Variants in FSIP1 observed in about 807,000 individuals in gnomAD.
FSIP1 encodes fibrous sheath interacting protein 1, also known as fibrous sheath-interacting protein 1.
FSIP1 carries 65 observed loss-of-function variants against 60.9 expected under a neutral mutation model. That is an observed-to-expected ratio of 1.07 (90% CI 0.87 to 1.31). The LOEUF is 1.31. Among genes scored for constraint, FSIP1 ranks in the 40% most tolerant of loss-of-function variants. FSIP1 has a pLI of 0.00. For missense variants in FSIP1, 675 were observed against 665.5 expected, an observed-to-expected ratio of 1.01 and a Z score of -0.16; for synonymous variants, 209 against 221.2, an observed-to-expected ratio of 0.94 and a Z score of 0.49.
chr15:39,617,926 T>C lies in FSIP1; in HGVS notation c.1508A>G (p.Asn503Ser). The change falls in exon 11 of 12, where the codon AAT (asparagine) becomes AGT (serine). Residue 503 changes from asparagine to serine, a missense_variant. By Grantham distance (46) the Asn-to-Ser change is conservative (BLOSUM62 1). Transcript: ENST00000350221. ...CTTGGAAAATTGAAGGCATTTCATA[T>C]TCTCTGCTTCAGTGACAAGAGCTTC... is the stretch of plus-strand genomic sequence containing the variant. ...MSEALVTEAE[N>S]MKCLQFSKDV... 6.2e-7 allele frequency: 1 copy of C among 1,614,216 alleles called. No homozygotes were observed. Among genetic ancestry groups the C allele is most frequent in the Non-Finnish European group, 8.5e-7 (1 of 1,180,026 alleles).
intron 1 of FSIP1, among the ~76,000 whole-genome samples, chr15:39,779,693 G>C (rs1898186135): frequency 6.6e-6 from 1 of 152,118 alleles, no homozygotes; most frequent in Non-Finnish European, 1.5e-5. Flanking sequence ...TTAGATATAT[G>C]ACCAGATTCT....
chr15:39,693,015 C>T (rs991913644), intron 10 of FSIP1, among the ~76,000 whole-genome samples: 1 of 152,216 alleles, frequency 6.6e-6, no homozygotes, highest in Non-Finnish European at 1.5e-5. Context: ...TAGAGCTCTG[C>T]TGCCAGAAGG....
intron 10 of FSIP1, among the ~76,000 whole-genome samples, chr15:39,686,996 T>A (rs1894397019): frequency 6.6e-6 from 1 of 152,152 alleles, no homozygotes; most frequent in South Asian, 2.1e-4. Flanking sequence ...ACCTTTTAAA[T>A]GTGAGGTTTC....
intron 10 of FSIP1, among the ~76,000 whole-genome samples, chr15:39,702,560 C>T (rs1354637459): frequency 6.7e-6 from 1 of 148,720 alleles, no homozygotes; most frequent in African/African-American, 2.5e-5. Flanking sequence ...GGGCTGTAAA[C>T]AGTCCCATGT....
chr15:39,710,070 C>A (rs1183515904), intron 10 of FSIP1, among the ~76,000 whole-genome samples: 1 of 152,176 alleles, frequency 6.6e-6, no homozygotes, highest in South Asian at 2.1e-4. Flanking sequence ...AGGTACAGTG[C>A]GTTTTCAGAG....
intron 5 of FSIP1, chr15:39,747,180 C>T (rs1419023895): frequency 6.6e-6 from 1 of 152,076 alleles, no homozygotes; most frequent in African/African-American, 2.4e-5. Context: ...AAAGTTTGCA[C>T]TTTAATTTGA....
intron 10 of FSIP1, among the ~76,000 whole-genome samples, 188 bp from the exon 11 acceptor site, chr15:39,618,433 G>T (rs771326919): frequency 5.3e-5 from 8 of 152,232 alleles, no homozygotes; most frequent in Non-Finnish European, 1.2e-4. Flanking sequence ...AAAATCTTTG[G>T]TTGGTGTTTC....
At chr15:39,676,883 GA>G (rs1339554615) in intron 10 of FSIP1, among the ~76,000 whole-genome samples, 1 of 152,196 alleles carries the variant, frequency 6.6e-6, no homozygotes, top group East Asian at 1.9e-4. Context: ...CACTGATAAA[GA>G]ATACGCATAA....
chr15:39,695,173 A>G (rs1349793542), intron 10 of FSIP1, among the ~76,000 whole-genome samples: 1 of 152,174 alleles, frequency 6.6e-6, no homozygotes, highest in African/African-American at 2.4e-5. Flanking sequence ...TTGAAAAGGT[A>G]CTAGCTGCCT....
At chr15:39,605,731 G>A (rs966140268) in intron 11 of FSIP1, among the ~76,000 whole-genome samples, 2 of 152,236 alleles carry the variant, frequency 1.3e-5, no homozygotes, top group African/African-American at 4.8e-5. Context: ...CAGAAATCTA[G>A]CCTTTTATGG....
At chr15:39,650,739 T>A (rs2140435511) in intron 10 of FSIP1, among the ~76,000 whole-genome samples, 1 of 152,348 alleles carries the variant, frequency 6.6e-6, no homozygotes, top group South Asian at 2.1e-4. Flanking sequence ...GATTCTTAAA[T>A]AAGTATTCAC....
chr15:39,734,723 T>A (rs1896543274), intron 8 of FSIP1, among the ~76,000 whole-genome samples: 1 of 151,916 alleles, frequency 6.6e-6, no homozygotes, highest in African/African-American at 2.4e-5. Flanking sequence ...ATATGATAAA[T>A]AAAATATAAA....
chr15:39,686,615 T>G (rs1238923806), intron 10 of FSIP1, among the ~76,000 whole-genome samples: 1 of 152,270 alleles, frequency 6.6e-6, no homozygotes, highest in Non-Finnish European at 1.5e-5. Context: ...AATGGTGGCC[T>G]CTAATACTTC....
chr15:39,624,496 C>G (rs1891559325), intron 10 of FSIP1, among the ~76,000 whole-genome samples: 1 of 152,210 alleles, frequency 6.6e-6, no homozygotes, highest in Admixed American at 6.5e-5. Context: ...AGGCTCACAT[C>G]ACTTGCTATA....
chr15:39,745,610 G>A (rs1430272183), intron 5 of FSIP1, among the ~76,000 whole-genome samples: 3 of 152,154 alleles, frequency 2.0e-5, no homozygotes, highest in Non-Finnish European at 1.5e-5. Context: ...TGCCATGGCA[G>A]GGTGCCCTCA....
chr15:39,709,126 A>G (rs1239518238), intron 10 of FSIP1, among the ~76,000 whole-genome samples: 1 of 152,180 alleles, frequency 6.6e-6, no homozygotes, highest in Non-Finnish European at 1.5e-5. Context: ...AATCAATCCT[A>G]GATGCAGGCG....
intron 10 of FSIP1, among the ~76,000 whole-genome samples, chr15:39,713,145 T>C (rs1255625399): frequency 6.6e-6 from 1 of 152,250 alleles, no homozygotes; most frequent in Non-Finnish European, 1.5e-5. Context: ...CGAATTATAT[T>C]TTTAGCTTTT....
At chr15:39,616,220 T>A (rs956823511) in intron 11 of FSIP1, among the ~76,000 whole-genome samples, 5 of 152,242 alleles carry the variant, frequency 3.3e-5, no homozygotes, top group African/African-American at 9.6e-5. Flanking sequence ...AAAGAATAAA[T>A]GTGAACCATA....
chr15:39,629,553 T>G (rs112702060), intron 10 of FSIP1, among the ~76,000 whole-genome samples: 31 of 152,276 alleles, frequency 2.0e-4, no homozygotes, highest in African/African-American at 7.2e-4. Context: ...AGGCTGCCCC[T>G]CAGCCCTCTC....
Sources: allele counts gnomAD v4.1 joint callset (sites outside exome capture counted in the v4.1 genomes callset), GRCh38; gene constraint gnomAD v4.1.1; transcripts MANE v1.5; gene names NCBI Gene and HGNC (gene_info 2026-07-23, HGNC 2026-07-21).